The following NFATC4 variants were observed in gnomAD, a reference collection of about 807,000 sequenced individuals.
The protein encoded by NFATC4 is nuclear factor of activated T-cells, cytoplasmic 4.
In NFATC4, 25 loss-of-function variants were observed where a neutral mutation model predicts 73.4. The ratio of observed to expected loss-of-function variants is 0.34; its 90% CI spans 0.25 to 0.48. The LOEUF (loss-of-function observed/expected upper bound fraction) is 0.48. Among genes scored for constraint, NFATC4 ranks in the 20% least tolerant of loss-of-function variants. NFATC4 has a pLI of 0.99. For synonymous variants in NFATC4, 523 were observed against 510.3 expected (o/e 1.02, Z -0.34); for missense variants, 1,130 against 1,203.7 (o/e 0.94, Z 0.91).
At chr14:24,367,063 C>T (rs2042327886), upstream of NFATC4, 1 of 1,613,688 alleles carries the variant, frequency 6.2e-7, no homozygotes, top group Non-Finnish European at 8.5e-7. Flanking sequence ...AAATGATAAC[C>T]ACCCTCCCAT....
In NFATC4 at chr14:24,376,327, C is replaced by T. The variant is rs1161815060; in HGVS notation, c.2090C>T (p.Ser697Phe). The T allele has an allele frequency of 6.3e-7, 1 of 1,595,864 alleles. No homozygotes were observed. Among genetic ancestry groups the T allele is most frequent in the Admixed American group, 1.7e-5 (1 of 57,902 alleles). The change falls in exon 9 of 10, where the codon TCT (serine) becomes TTT (phenylalanine). Residue 697 changes from serine to phenylalanine, a missense_variant. Ser to Phe is a radical substitution (Grantham distance 155). Around this residue, in one of 3 missense-constraint regions of NFATC4, gnomAD observed 390 missense variants for 408.1 expected, o/e 0.96. Coordinates refer to ENST00000250373, the MANE Select transcript of NFATC4 (RefSeq NM_004554.5). The surrounding 1 kb of genome is among the most constrained non-coding windows in gnomAD (Gnocchi z 5.0). ...ICKEEPLPDSSLRGFPSASAT... is the reference protein window; with the variant it reads ...ICKEEPLPDSFLRGFPSASAT... ...AAAGAGGAGCCCCTACCGGACTCAT[C>T]TCTGCGGGGTTTCCCTTCAGCATCG...
At position 24,376,105 on chromosome 14, in the gene NFATC4, C is replaced by T. The variant is rs372215428; in HGVS notation, c.2056+4C>T. 3 of 1,613,892 alleles carry T rather than the reference C, an allele frequency of 1.9e-6. No homozygotes were observed. Among genetic ancestry groups the T allele is most frequent in the African/African-American group, 1.3e-5 (1 of 74,974 alleles). ...CAGAGTTTCAGGTTTCTGCCTGGTG[C>T]GCTCTGGGACAGCCCATGGTGGGGG... On this transcript the variant is annotated splice_donor_region_variant and intron_variant, in intron 8 of 9. Coordinates refer to ENST00000250373, the MANE Select transcript of NFATC4 (RefSeq NM_004554.5). The surrounding 1 kb of genome is among the most constrained non-coding windows in gnomAD (Gnocchi z 5.0).
At chr14:24,369,162 T>G in intron 1 of NFATC4, 1 of 1,473,690 alleles carries the variant, frequency 6.8e-7, no homozygotes, top group Admixed American at 2.4e-5. Context: ...CATGTGTGAG[T>G]CGCCCCCAGT....
chr14:24,376,872 G>C lies in NFATC4; in HGVS notation c.2635G>C (p.Glu879Gln). Reference protein sequence around the residue: ...DSVPIQGITLEEVSEIIGRDL... With the variant: ...DSVPIQGITLQEVSEIIGRDL... ...TGTCCCTATCCAGGGTATCACGCTG[G>C]AGGAAGGTGGGTGTGGGACTGGGGG... is the stretch of plus-strand genomic sequence containing the variant. Residue 879 changes from glutamate (E) to glutamine (Q), a missense_variant, in exon 9 of 10, where the codon GAG (glutamate) becomes CAG (glutamine). Glu to Gln is a conservative substitution (Grantham distance 29). Around this residue, in one of 3 missense-constraint regions of NFATC4, gnomAD observed 390 missense variants for 408.1 expected, o/e 0.96. Coordinates refer to ENST00000250373, the MANE Select transcript of NFATC4 (RefSeq NM_004554.5). The surrounding 1 kb of genome is among the most constrained non-coding windows in gnomAD (Gnocchi z 5.0). 1 of 1,561,430 alleles carries C rather than the reference G, an allele frequency of 6.4e-7. No homozygotes were observed. Among genetic ancestry groups the C allele is most frequent in the Non-Finnish European group, 8.7e-7 (1 of 1,155,278 alleles).
intron 7 of NFATC4, 116 bp downstream of exon 7, chr14:24,375,831 T>A: frequency 6.5e-7 from 1 of 1,531,418 alleles, no homozygotes; most frequent in Non-Finnish European, 9.0e-7. Context: ...AGACTGGCCA[T>A]TCTGTAAGCA....
Position 24,370,203 on chromosome 14 carries a change from C to T in NFATC4, c.805C>T (p.Arg269Trp). Reference protein sequence around the residue: ...SPRPASPCGKRRYSSSGTPSS... With the variant: ...SPRPASPCGKWRYSSSGTPSS... ...GCGGCCTGCCTCTCCATGTGGCAAGCGGCGCTATTCCAGCTCGGGAACCCC... is the reference window on the plus strand; with the variant it reads ...GCGGCCTGCCTCTCCATGTGGCAAGTGGCGCTATTCCAGCTCGGGAACCCC... The change falls in exon 2 of 10, where the codon CGG becomes TGG. Residue 269 changes from arginine to tryptophan, a missense_variant. Arg to Trp is a moderately radical substitution (Grantham distance 101, BLOSUM62 -3). Around this residue, in one of 3 missense-constraint regions of NFATC4, gnomAD observed 585 missense variants for 574.3 expected, o/e 1.02. Transcript: ENST00000250373. 1 of 1,608,826 alleles carries T rather than the reference C, an allele frequency of 6.2e-7. No individual in the cohort carries two copies.
In NFATC4 at chr14:24,376,207, C is replaced by G; in HGVS notation, c.2057-87C>G. ...TGAGGGGCCAAGGGGTGAATGGAAC[C>G]TGGGAGGAGCAGGCAGCTGGAAGGT... On this transcript the variant is annotated intron_variant, in intron 8 of 9. Transcript: ENST00000250373. This position sits in a 1 kb window ranked among gnomAD's most constrained non-coding sequence, Gnocchi z 5.0. 6.3e-7 allele frequency: 1 copy of G among 1,578,124 alleles called. No individual in the cohort carries two copies. Among genetic ancestry groups the G allele is most frequent in the South Asian group, 1.2e-5 (1 of 84,918 alleles).
chr14:24,372,142 C>G (rs997123237), intron 2 of NFATC4: 5 of 336,754 alleles, frequency 1.5e-5, no homozygotes, highest in Non-Finnish European at 2.2e-5. Context: ...ACCCCAACCC[C>G]TGCGCTCAGA....
intron 7 of NFATC4, 87 bp from the exon 8 acceptor site, chr14:24,375,888 G>T (rs1252866614): frequency 2.5e-6 from 4 of 1,586,046 alleles, no homozygotes; most frequent in African/African-American, 1.3e-5. Flanking sequence ...AATGGAGAAG[G>T]CTAGGAGGTG....
rs149450167 is a variant in NFATC4 at position 24,376,667 on chromosome 14, C to G, written c.2430C>G (p.Pro810=). 2.5e-6 allele frequency: 4 copies of G among 1,613,434 alleles called. No individual in the cohort carries two copies. The highest frequency in any genetic ancestry group is 4.5e-5 in the East Asian group (2 of 44,872). ...GGCTGCCATTCTCTCCGCCAGCCCCCTTTCGGCCGCCTCCTCTTCCTGCAT... is the reference window on the plus strand; with the variant it reads ...GGCTGCCATTCTCTCCGCCAGCCCCGTTTCGGCCGCCTCCTCTTCCTGCAT... ...SLGLPFSPPA[P]FRPPPLPASP... is the part of the protein sequence containing the mutation. Residue 810 remains proline, a synonymous_variant, in exon 9 of 10, where the codon CCC becomes CCG. Coordinates refer to ENST00000250373, the MANE Select transcript of NFATC4 (RefSeq NM_004554.5). The surrounding 1 kb of genome is among the most constrained non-coding windows in gnomAD (Gnocchi z 5.0).
chr14:24,368,285 C>G lies in NFATC4; in HGVS notation c.-56C>G. 7.3e-7 allele frequency: 1 copy of G among 1,369,984 alleles called. No homozygotes were observed. The highest frequency in any genetic ancestry group is 9.4e-7 in the Non-Finnish European group (1 of 1,061,492). The allele number at this position is 1,369,984 out of a possible 1,614,324, so 84.9% of individuals were successfully genotyped here. ...AGCCACCCGGGTGAAGATACAGCAG[C>G]CTCCTGAACTCCCCCCTCCCACCCA... On this transcript the variant is annotated 5_prime_UTR_variant, in exon 1 of 10. Transcript: ENST00000250373.
At chr14:24,372,267 T>C (rs747950148) in intron 2 of NFATC4, 174 bp from the exon 3 acceptor site, 4 of 679,242 alleles carry the variant, frequency 5.9e-6, no homozygotes, top group Non-Finnish European at 9.5e-6. Context: ...TGTCCTTTTT[T>C]TAGTTTAAAA....
chr14:24,370,622 C>G lies in NFATC4; in HGVS notation c.1196+28C>G, dbSNP rs372551807. The G allele has an allele frequency of 3.2e-6, 5 of 1,580,288 alleles. No homozygotes were observed. In the African/African-American group the frequency reaches 5.4e-5, roughly 17 times the overall value. The stretch of plus-strand genomic sequence containing the variant: ...GAGGGTTGCGCCTGGCACTACCGCT[C>G]TCTCTAGCCATTCCAGTAGGGGAGC... On this transcript the variant is annotated intron_variant, in intron 2 of 9. Coordinates refer to ENST00000250373, the MANE Select transcript of NFATC4 (RefSeq NM_004554.5).
chr14:24,367,268 G>T (rs760625964), upstream of NFATC4: 427 of 1,598,690 alleles, frequency 2.7e-4, 1 homozygote, highest in Admixed American at 6.4e-4. Context: ...GGGAAGAGGA[G>T]GGGAACCCAC....
intron 2 of NFATC4, chr14:24,372,172 T>A (rs2042489794): frequency 2.4e-6 from 1 of 419,580 alleles, no homozygotes; most frequent in Non-Finnish European, 4.3e-6. Context: ...AAGGGAGTTT[T>A]AGGCTTGTTG....
rs1281474917 is a variant in NFATC4 at position 24,377,955 on chromosome 14, G to A, written c.*250G>A. 3 of 712,350 alleles carry A rather than the reference G, an allele frequency of 4.2e-6. No homozygotes were observed. Among genetic ancestry groups the A allele is most frequent in the South Asian group, 1.9e-5 (1 of 52,100 alleles). The allele number at this position is 712,350 out of a possible 1,614,324, so 44.1% of individuals were successfully genotyped here. ...AGGAGGGTGAAGACTGAGGCTAGGTGCCAGAATGGACTGGAGTGAAGGCGT... is the reference window on the plus strand; with the variant it reads ...AGGAGGGTGAAGACTGAGGCTAGGTACCAGAATGGACTGGAGTGAAGGCGT... On this transcript the variant is annotated 3_prime_UTR_variant, in exon 10 of 10. Coordinates refer to ENST00000250373, the MANE Select transcript of NFATC4 (RefSeq NM_004554.5). This position sits in a 1 kb window ranked among gnomAD's most constrained non-coding sequence, Gnocchi z 4.2.
intron 2 of NFATC4, chr14:24,372,142 C>T (rs997123237): frequency 1.2e-5 from 4 of 336,754 alleles, no homozygotes; most frequent in Non-Finnish European, 5.4e-6. Flanking sequence ...ACCCCAACCC[C>T]TGCGCTCAGA....
At chr14:24,369,230 G>A (rs2042394170) in intron 1 of NFATC4, 10 of 1,535,590 alleles carry the variant, frequency 6.5e-6, no homozygotes, top group Non-Finnish European at 7.8e-6. Context: ...CAGCCCCTCT[G>A]GACCCACCTC....
At position 24,376,351 on chromosome 14, in the gene NFATC4, C is replaced by T. The variant is rs780001777; in HGVS notation, c.2114C>T (p.Ser705Leu). ...TCTCTGCGGGGTTTCCCTTCAGCAT[C>T]GGCAACCCCCTTTGGCACTGACATG... ...DSSLRGFPSA[S>L]ATPFGTDMDF... Residue 705 changes from serine to leucine, a missense_variant, in exon 9 of 10, where the codon TCG becomes TTG. Physicochemically the swap from Ser to Leu is moderately radical, Grantham distance 145. Around this residue, in one of 3 missense-constraint regions of NFATC4, gnomAD observed 390 missense variants for 408.1 expected, o/e 0.96. Coordinates refer to ENST00000250373, the MANE Select transcript of NFATC4 (RefSeq NM_004554.5). This position sits in a 1 kb window ranked among gnomAD's most constrained non-coding sequence, Gnocchi z 5.0. 1.1e-5 allele frequency: 17 copies of T among 1,605,660 alleles called. No individual in the cohort carries two copies. Among genetic ancestry groups the T allele is most frequent in the African/African-American group, 4.0e-5 (3 of 74,668 alleles).
Sources: allele counts gnomAD v4.1 joint callset, GRCh38; gene constraint gnomAD v4.1.1; regional missense constraint gnomAD v4.1.1; non-coding constraint Gnocchi (gnomAD v3.1); transcripts MANE v1.5; gene names NCBI Gene and HGNC (gene_info 2026-07-23, HGNC 2026-07-21).